Variants in CAMKMT observed in about 807,000 individuals in gnomAD.
The protein encoded by CAMKMT is calmodulin-lysine N-methyltransferase.
CAMKMT carries 53 observed loss-of-function variants against 48.0 expected under a neutral mutation model. The ratio of observed to expected loss-of-function variants is 1.10; its 90% CI spans 0.89 to 1.39. CAMKMT has a LOEUF of 1.39. CAMKMT is among the 40% of genes most tolerant of loss of function. CAMKMT has a pLI of 0.00. For synonymous variants in CAMKMT, 165 were observed against 152.3 expected, an observed-to-expected ratio of 1.08 and a Z score of -0.61; for missense variants, 428 against 402.7, an observed-to-expected ratio of 1.06 and a Z score of -0.54.
chr2:44,652,598 C>T (rs1186973894), intron 3 of CAMKMT, among the ~76,000 whole-genome samples: 1 of 152,094 alleles, frequency 6.6e-6, no homozygotes, highest in Non-Finnish European at 1.5e-5. Flanking sequence ...CATCTCACCA[C>T]CACTGCCTCC....
At chr2:44,711,220 T>C (rs1368310849) in intron 6 of CAMKMT, among the ~76,000 whole-genome samples, 1 of 152,170 alleles carries the variant, frequency 6.6e-6, no homozygotes, top group Non-Finnish European at 1.5e-5. Context: ...GTAAACTATA[T>C]GTGCCTCAGA....
intron 7 of CAMKMT, among the ~76,000 whole-genome samples, chr2:44,730,933 G>A (rs1343528304): frequency 6.6e-6 from 1 of 152,122 alleles, no homozygotes; most frequent in Non-Finnish European, 1.5e-5. Flanking sequence ...CCCTACTGCT[G>A]GTAAGATAGC....
intron 3 of CAMKMT, among the ~76,000 whole-genome samples, chr2:44,413,835 A>G (rs1683376340): frequency 6.6e-6 from 1 of 152,220 alleles, no homozygotes; most frequent in South Asian, 2.1e-4. Context: ...TGGAACTACC[A>G]TACTGTTCCA....
intron 3 of CAMKMT, among the ~76,000 whole-genome samples, chr2:44,403,024 C>G (rs1292853697): frequency 1.3e-5 from 2 of 151,042 alleles, no homozygotes; most frequent in Non-Finnish European, 2.9e-5. Context: ...GCTTTCATTA[C>G]ATTTCTGATG....
At chr2:44,710,930 A>C (rs1038047876) in intron 6 of CAMKMT, among the ~76,000 whole-genome samples, 1 of 152,236 alleles carries the variant, frequency 6.6e-6, no homozygotes, top group African/African-American at 2.4e-5. Flanking sequence ...CTCTGTAAGC[A>C]TCTTATCCCC....
chr2:44,619,316 A>C (rs868741445), intron 3 of CAMKMT, among the ~76,000 whole-genome samples: 3 of 152,330 alleles, frequency 2.0e-5, no homozygotes, highest in Middle Eastern at 6.8e-3. Context: ...TGTTATATAG[A>C]TAATTGAGAT....
intron 3 of CAMKMT, among the ~76,000 whole-genome samples, chr2:44,412,912 C>G (rs1313320017): frequency 6.6e-6 from 1 of 151,292 alleles, no homozygotes; most frequent in Non-Finnish European, 1.5e-5. Flanking sequence ...CCCGTCTCCA[C>G]TAAAAATACA....
At chr2:44,722,828 G>C (rs1409456018) in intron 7 of CAMKMT, among the ~76,000 whole-genome samples, 1 of 152,156 alleles carries the variant, frequency 6.6e-6, no homozygotes, top group African/African-American at 2.4e-5. Context: ...CATAGGATCA[G>C]AGATACTTGA....
chr2:44,597,311 T>C (rs1391419977), intron 3 of CAMKMT, among the ~76,000 whole-genome samples: 1 of 152,228 alleles, frequency 6.6e-6, no homozygotes, highest in East Asian at 1.9e-4. Flanking sequence ...GAATTTCCCT[T>C]AGCTACCTCC....
At chr2:44,556,282 G>T (rs1448973360) in intron 3 of CAMKMT, among the ~76,000 whole-genome samples, 2 of 151,820 alleles carry the variant, frequency 1.3e-5, no homozygotes, top group Non-Finnish European at 2.9e-5. Context: ...GGGATTACAG[G>T]TGGCTGCCAC....
chr2:44,730,417 G>A (rs1347007998), intron 7 of CAMKMT, among the ~76,000 whole-genome samples: 3 of 152,134 alleles, frequency 2.0e-5, no homozygotes, highest in Admixed American at 2.0e-4. Flanking sequence ...CTTGTCTTCC[G>A]AATATGACTG....
intron 3 of CAMKMT, among the ~76,000 whole-genome samples, chr2:44,595,091 A>G (rs1670571479): frequency 6.6e-6 from 1 of 152,210 alleles, no homozygotes; most frequent in South Asian, 2.1e-4. Context: ...GCAAATCAAA[A>G]CCGCAATGAG....
At chr2:44,652,667 A>G (rs1252058195) in intron 3 of CAMKMT, among the ~76,000 whole-genome samples, 1 of 152,258 alleles carries the variant, frequency 6.6e-6, no homozygotes, top group Non-Finnish European at 1.5e-5. Context: ...ACTCTTGGAC[A>G]CTGGTTTAAC....
At chr2:44,627,396 C>A (rs76500164) in intron 3 of CAMKMT, among the ~76,000 whole-genome samples, 1 of 151,950 alleles carries the variant, frequency 6.6e-6, no homozygotes, top group South Asian at 2.1e-4. Context: ...TTGCTGGACT[C>A]GTAAAATACA....
chr2:44,630,848 A>G (rs949006256), intron 3 of CAMKMT, among the ~76,000 whole-genome samples: 22 of 151,878 alleles, frequency 1.4e-4, no homozygotes, highest in African/African-American at 5.1e-4. Context: ...GCGATTCCTC[A>G]GGGATCTAGA....
intron 3 of CAMKMT, among the ~76,000 whole-genome samples, chr2:44,428,972 C>T (rs1684461411): frequency 6.6e-6 from 1 of 152,166 alleles, no homozygotes; most frequent in South Asian, 2.1e-4. Flanking sequence ...TTTCTCCATG[C>T]ATTTGGGGGC....
chr2:44,711,367 A>G (rs2104292057), intron 6 of CAMKMT, among the ~76,000 whole-genome samples: 1 of 152,354 alleles, frequency 6.6e-6, no homozygotes, highest in Admixed American at 6.5e-5. Flanking sequence ...CTTGTGGGGC[A>G]CAGATTTTGC....
intron 3 of CAMKMT, among the ~76,000 whole-genome samples, chr2:44,451,806 C>G (rs1015322918): frequency 6.6e-6 from 1 of 151,686 alleles, no homozygotes; most frequent in Non-Finnish European, 1.5e-5. Flanking sequence ...GTAAAATTTG[C>G]TTCTCTTTCA....
At chr2:44,455,958 A>G (rs1331240297) in intron 3 of CAMKMT, among the ~76,000 whole-genome samples, 1 of 152,180 alleles carries the variant, frequency 6.6e-6, no homozygotes, top group Non-Finnish European at 1.5e-5. Flanking sequence ...GTTAATATTT[A>G]TCATTCATAA....
Sources: allele counts gnomAD v4.1 joint callset (sites outside exome capture counted in the v4.1 genomes callset), GRCh38; gene constraint gnomAD v4.1.1; transcripts MANE v1.5; gene names NCBI Gene and HGNC (gene_info 2026-07-23, HGNC 2026-07-21).